Variants in PTPRD observed in about 807,000 individuals in gnomAD.
PTPRD encodes receptor-type tyrosine-protein phosphatase delta.
PTPRD carries 34 observed loss-of-function variants against 214.5 expected under a neutral mutation model. The ratio of observed to expected loss-of-function variants is 0.16; its 90% CI spans 0.12 to 0.21. The LOEUF (loss-of-function observed/expected upper bound fraction) is 0.21. Ranked by LOEUF, PTPRD falls within the 10% of genes least tolerant of loss-of-function variation. PTPRD has a pLI of 1.00. For missense variants in PTPRD, 2,545 were observed against 2,398.7 expected (o/e 1.06, Z -1.27); for synonymous variants, 1,128 against 845.7 (o/e 1.33, Z -5.79).
At chr9:9,006,086 T>C (rs985390187) in intron 11 of PTPRD, among the ~76,000 whole-genome samples, 1 of 152,000 alleles carries the variant, frequency 6.6e-6, no homozygotes, top group African/African-American at 2.4e-5. Context: ...AAGATGGCTG[T>C]TGTCTGGTTT....
intron 2 of PTPRD, among the ~76,000 whole-genome samples, chr9:10,505,185 T>G (rs915767364): frequency 1.3e-5 from 2 of 152,194 alleles, no homozygotes; most frequent in Non-Finnish European, 2.9e-5. Flanking sequence ...GATTTCTCAA[T>G]ATGATTAAGG....
At chr9:9,766,242 T>C (rs1370939553) in intron 6 of PTPRD, among the ~76,000 whole-genome samples, 2 of 152,328 alleles carry the variant, frequency 1.3e-5, no homozygotes, top group African/African-American at 4.8e-5. Flanking sequence ...TTTTTCATGA[T>C]AGCATTCCAG....
chr9:10,600,811 T>C (rs1054964287), intron 2 of PTPRD, among the ~76,000 whole-genome samples: 4 of 151,768 alleles, frequency 2.6e-5, no homozygotes, highest in African/African-American at 9.7e-5. Context: ...AGAAGTCTCA[T>C]ACAGAGTACT....
intron 2 of PTPRD, among the ~76,000 whole-genome samples, chr9:10,436,677 G>A (rs2154522156): frequency 6.6e-6 from 1 of 151,626 alleles, no homozygotes; most frequent in African/African-American, 2.4e-5. Flanking sequence ...CTTGAAATAA[G>A]TTCTAATCAA....
At chr9:8,421,179 A>G (rs1016552605) in intron 35 of PTPRD, among the ~76,000 whole-genome samples, 2 of 152,096 alleles carry the variant, frequency 1.3e-5, no homozygotes, top group Non-Finnish European at 2.9e-5. Context: ...CTATGCTTGG[A>G]AAGTGGGAGA....
chr9:9,463,084 T>A (rs2093811518), intron 8 of PTPRD, among the ~76,000 whole-genome samples: 1 of 150,746 alleles, frequency 6.6e-6, no homozygotes, highest in Non-Finnish European at 1.5e-5. Flanking sequence ...TCGAAGAGAC[T>A]AAATAGGAAC....
chr9:10,597,314 T>C (rs2076851433), intron 2 of PTPRD, among the ~76,000 whole-genome samples: 1 of 151,736 alleles, frequency 6.6e-6, no homozygotes, highest in Admixed American at 6.6e-5. Context: ...AATAACTCAA[T>C]ATTTTATTTG....
intron 3 of PTPRD, among the ~76,000 whole-genome samples, chr9:10,195,092 C>G (rs1242981390): frequency 6.9e-6 from 1 of 145,982 alleles, no homozygotes; most frequent in Non-Finnish European, 1.5e-5. Flanking sequence ...GTGACCATAC[C>G]CGGCTATTTT....
Position 9,433,033 on chromosome 9 carries a change from C to T in PTPRD, c.-236-35551G>A, listed in dbSNP as rs370520835. Among the ~76,000 whole-genome samples the T allele has an allele frequency of 4.6e-5, 7 of 152,062 alleles. No individual in the cohort carries two copies. The East Asian group carries it at 5.8e-4, about 13-fold the overall frequency. ...ATATGTGTGTGTTTCCGAATGCAAG[C>T]GTGTGTATAAGAGTGTGTGTGTTAG... On this transcript the variant is annotated intron_variant, in intron 8 of 45. Transcript: ENST00000381196.
chr9:8,815,548 C>G (rs2096902788), intron 11 of PTPRD, among the ~76,000 whole-genome samples: 1 of 152,096 alleles, frequency 6.6e-6, no homozygotes, highest in African/African-American at 2.4e-5. Flanking sequence ...ACAAAAACTC[C>G]AATATAATCA....
At chr9:9,387,480 A>G (rs531359584) in intron 9 of PTPRD, among the ~76,000 whole-genome samples, 1 of 152,226 alleles carries the variant, frequency 6.6e-6, no homozygotes, top group South Asian at 2.1e-4. Context: ...TAAAGAGAAA[A>G]TGTTTTTATT....
chr9:9,798,722 C>T (rs931878744), intron 5 of PTPRD, among the ~76,000 whole-genome samples: 3 of 151,962 alleles, frequency 2.0e-5, no homozygotes, highest in Admixed American at 6.6e-5. Flanking sequence ...GAGAAGAGAA[C>T]AAGAAGGAAA....
chr9:9,408,359 C>T (rs1007651866), intron 8 of PTPRD, among the ~76,000 whole-genome samples: 3 of 151,708 alleles, frequency 2.0e-5, no homozygotes, highest in Non-Finnish European at 3.0e-5. Flanking sequence ...ATCATAAGCA[C>T]GACAAGCATT....
chr9:8,942,760 G>C (rs2099041422), intron 11 of PTPRD, among the ~76,000 whole-genome samples: 1 of 151,750 alleles, frequency 6.6e-6, no homozygotes, highest in African/African-American at 2.4e-5. Flanking sequence ...TTGTTTATTT[G>C]AATTCTGGGC....
At chr9:8,777,847 T>G (rs908885155) in intron 11 of PTPRD, among the ~76,000 whole-genome samples, 6 of 152,220 alleles carry the variant, frequency 3.9e-5, no homozygotes, top group Non-Finnish European at 7.3e-5. Flanking sequence ...TTATCTCTCA[T>G]TTTTTATCAA....
chr9:8,484,605 G>GATATATATAT (rs1392070274), intron 29 of PTPRD, among the ~76,000 whole-genome samples: 3 of 121,428 alleles, frequency 2.5e-5, no homozygotes, highest in African/African-American at 1.1e-4. Context: ...AATACACAAA[G>GATATATATAT]ATAGATATAT....
chr9:9,894,385 T>C (rs1333648035), intron 5 of PTPRD, among the ~76,000 whole-genome samples: 2 of 152,106 alleles, frequency 1.3e-5, no homozygotes, highest in Admixed American at 1.3e-4. Flanking sequence ...TTCTACTACC[T>C]CTCTCAAGGC....
intron 10 of PTPRD, among the ~76,000 whole-genome samples, chr9:9,099,499 T>G (rs1192860354): frequency 6.6e-6 from 1 of 152,172 alleles, no homozygotes; most frequent in East Asian, 1.9e-4. Flanking sequence ...CTGGGTGTGT[T>G]GCAGGTTTTG....
intron 33 of PTPRD, among the ~76,000 whole-genome samples, chr9:8,458,036 C>A (rs1024326576): frequency 6.6e-6 from 1 of 152,098 alleles, no homozygotes; most frequent in Admixed American, 6.5e-5. Context: ...ACTGCTGAAG[C>A]AAGCATTTCT....
Sources: allele counts gnomAD v4.1 joint callset (sites outside exome capture counted in the v4.1 genomes callset), GRCh38; gene constraint gnomAD v4.1.1; transcripts MANE v1.5; gene names NCBI Gene and HGNC (gene_info 2026-07-23, HGNC 2026-07-21).